The following KCNH1 variants were observed in gnomAD, a reference collection of about 807,000 sequenced individuals.
The protein encoded by KCNH1 is potassium voltage-gated channel subfamily H member 1.
KCNH1 carries 27 observed loss-of-function variants against 69.2 expected under a neutral mutation model. The ratio of observed to expected loss-of-function variants is 0.39; its 90% CI spans 0.29 to 0.54. KCNH1 has a LOEUF of 0.54. Among genes scored for constraint, KCNH1 ranks in the 20% least tolerant of loss-of-function variants. KCNH1 has a pLI of 0.68. For synonymous variants in KCNH1, 456 were observed against 487.7 expected, an observed-to-expected ratio of 0.93 and a Z score of 0.86; for missense variants, 798 against 1,261.6, an observed-to-expected ratio of 0.63 and a Z score of 5.57.
At chr1:210,723,224 A>AT (rs1223756505) in intron 10 of KCNH1, among the ~76,000 whole-genome samples, 2 of 152,142 alleles carry the variant, frequency 1.3e-5, no homozygotes, top group African/African-American at 2.4e-5. Context: ...GATACCTTAC[A>AT]TTTTTTAACT....
intron 7 of KCNH1, among the ~76,000 whole-genome samples, chr1:210,874,048 A>G (rs1686312457): frequency 6.6e-6 from 1 of 152,180 alleles, no homozygotes; most frequent in African/African-American, 2.4e-5. Context: ...TGGCCAATGA[A>G]GCACAAAGAA....
In KCNH1 at chr1:210,679,967, A is replaced by G. The variant is rs896295286; in HGVS notation, c.*3314T>C. On this transcript the variant is annotated 3_prime_UTR_variant, in exon 11 of 11. Coordinates refer to ENST00000271751, the MANE Select transcript of KCNH1 (RefSeq NM_172362.3). The stretch of plus-strand genomic sequence containing the variant: ...TGCAATGAGTTGCATTCATGAATGC[A>G]ATGAGTTGCATTAATTGTACACTAG... 1 of 151,934 alleles carries G rather than the reference A, an allele frequency of 6.6e-6. No individual in the cohort carries two copies. The highest frequency in any genetic ancestry group is 1.5e-5 in the Non-Finnish European group (1 of 68,006). The allele number at this position is 151,934 out of a possible 1,614,324, so 9.4% of individuals were successfully genotyped here.
chr1:210,695,188 A>G (rs1346458609), intron 10 of KCNH1, among the ~76,000 whole-genome samples: 2 of 152,226 alleles, frequency 1.3e-5, no homozygotes, highest in Non-Finnish European at 2.9e-5. Flanking sequence ...AGAGGGGGCA[A>G]TGGAGAGTTC....
At chr1:210,843,805 C>G (rs1273640868) in intron 7 of KCNH1, among the ~76,000 whole-genome samples, 1 of 152,174 alleles carries the variant, frequency 6.6e-6, no homozygotes, top group Non-Finnish European at 1.5e-5. Context: ...TTCATCTACT[C>G]TTAGAGCACA....
intron 7 of KCNH1, among the ~76,000 whole-genome samples, chr1:210,872,615 G>A (rs938996961): frequency 6.6e-5 from 10 of 152,122 alleles, no homozygotes; most frequent in Admixed American, 5.2e-4. Context: ...CATGGCAAAA[G>A]GTAAAGGGGG....
intron 7 of KCNH1, among the ~76,000 whole-genome samples, chr1:210,909,801 A>G (rs1482172041): frequency 2.6e-5 from 4 of 152,208 alleles, no homozygotes; most frequent in Admixed American, 2.6e-4. Flanking sequence ...CAATTCAAAG[A>G]GGGGCTGTCC....
intron 7 of KCNH1, among the ~76,000 whole-genome samples, chr1:210,884,325 C>T (rs1686558307): frequency 6.6e-6 from 1 of 152,200 alleles, no homozygotes; most frequent in Non-Finnish European, 1.5e-5. Flanking sequence ...AGAGGATCCT[C>T]TCTTTCCTAC....
intron 6 of KCNH1, among the ~76,000 whole-genome samples, chr1:210,953,718 A>C (rs555306370): frequency 6.6e-6 from 1 of 152,236 alleles, no homozygotes; most frequent in Non-Finnish European, 1.5e-5. Flanking sequence ...TCCAGTGCCT[A>C]CGAGTAAAAT....
chr1:210,873,623 C>A (rs891925163), intron 7 of KCNH1, among the ~76,000 whole-genome samples: 1 of 152,142 alleles, frequency 6.6e-6, no homozygotes, highest in East Asian at 1.9e-4. Context: ...ACTCAGCCCC[C>A]CAAAGTTCTG....
rs140922463 is a variant in KCNH1, at chr1:211,129,611, G to GA, written c.79+4255dup. Among the ~76,000 whole-genome samples, 1,412 of 152,218 alleles carry GA rather than the reference G, an allele frequency of 9.3e-3. 20 individuals carry two copies. Among genetic ancestry groups the GA allele is most frequent in the African/African-American group, 0.032 (1,332 of 41,530 alleles). ...AAGATTGTCTTAGAATATTTTACAAGAAAAAACAAGCTCTGCTGAGCTGGT... is the reference window on the plus strand; with the variant it reads ...AAGATTGTCTTAGAATATTTTACAAGAAAAAAACAAGCTCTGCTGAGCTGGT... On this transcript the variant is annotated intron_variant, in intron 1 of 10. Coordinates refer to ENST00000271751, the MANE Select transcript of KCNH1 (RefSeq NM_172362.3).
intron 6 of KCNH1, among the ~76,000 whole-genome samples, chr1:210,973,257 A>G (rs767471908): frequency 1.7e-4 from 26 of 152,294 alleles, no homozygotes; most frequent in Non-Finnish European, 2.5e-4. Context: ...TTGATGCTCA[A>G]TAATGTAACA....
chr1:211,070,433 AC>A (rs1292840151), intron 5 of KCNH1, among the ~76,000 whole-genome samples: 966 of 62,364 alleles, frequency 0.015, 32 homozygotes, highest in Admixed American at 0.12. Flanking sequence ...AAAAAAAAAC[AC>A]ACACACACAC....
intron 5 of KCNH1, among the ~76,000 whole-genome samples, chr1:211,075,100 G>C (rs1416597376): frequency 1.3e-5 from 2 of 152,208 alleles, no homozygotes; most frequent in East Asian, 1.9e-4. Context: ...GTGAGCAAGG[G>C]GAGAGATGTA....
intron 5 of KCNH1, among the ~76,000 whole-genome samples, chr1:211,048,166 T>A (rs1335660946): frequency 6.6e-6 from 1 of 152,090 alleles, no homozygotes; most frequent in Non-Finnish European, 1.5e-5. Context: ...GCCCGTAATT[T>A]AAAAATTAAA....
chr1:211,103,596 C>A lies in KCNH1; in HGVS notation c.210G>T (p.Met70Ile). 1.2e-6 allele frequency: 2 copies of A among 1,603,684 alleles called. No individual in the cohort carries two copies. The highest frequency in any genetic ancestry group is 1.7e-6 in the Non-Finnish European group (2 of 1,174,088). Reference protein sequence around the residue: ...VMQKSSTCSFMYGELTDKDTI... With the variant: ...VMQKSSTCSFIYGELTDKDTI... ...TGTCTTTATCAGTCAGCTCCCCATA[C>A]ATAAAACTGCAAACAACCAAAGAAC... is the stretch of plus-strand genomic sequence containing the variant. Residue 70 changes from methionine (M) to isoleucine (I), a missense_variant, in exon 3 of 11, where the codon ATG becomes ATT. By Grantham distance (10) the Met-to-Ile change is conservative. Around this residue, in one of 4 missense-constraint regions of KCNH1, gnomAD observed 266 missense variants for 457.2 expected, o/e 0.58. Transcript: ENST00000271751.
intron 6 of KCNH1, among the ~76,000 whole-genome samples, chr1:210,998,483 C>A (rs1249235002): frequency 6.6e-6 from 1 of 152,160 alleles, no homozygotes; most frequent in Non-Finnish European, 1.5e-5. Context: ...ATATATGCAT[C>A]CAACACAGGA....
At chr1:210,866,003 C>T (rs1641954735) in intron 7 of KCNH1, among the ~76,000 whole-genome samples, 2 of 152,098 alleles carry the variant, frequency 1.3e-5, no homozygotes, top group African/African-American at 4.8e-5. Flanking sequence ...TACACCAATA[C>T]AACTCAATGG....
intron 7 of KCNH1, chr1:210,860,527 G>A (rs1160036081): frequency 1.2e-6 from 1 of 846,536 alleles, no homozygotes; most frequent in Non-Finnish European, 2.1e-6. Context: ...AAATGTCATT[G>A]CCAACTGTTG....
chr1:211,070,399 C>A (rs1690616358), intron 5 of KCNH1, among the ~76,000 whole-genome samples: 2 of 146,468 alleles, frequency 1.4e-5, no homozygotes, highest in Non-Finnish European at 3.0e-5. Flanking sequence ...GCCTGGGCGA[C>A]AGAGCGAGAC....
Sources: gnomAD v4.1 joint callset for allele counts (sites outside exome capture counted in the v4.1 genomes callset) on GRCh38, gnomAD v4.1.1 for gene constraint, gnomAD v4.1.1 regional missense constraint, MANE v1.5 for transcripts, NCBI Gene and HGNC (gene_info 2026-07-23, HGNC 2026-07-21) for gene names.